Variants in LHPP observed in about 807,000 individuals in gnomAD.
LHPP encodes the protein phospholysine phosphohistidine inorganic pyrophosphate phosphatase.
Under a neutral mutation model 30.3 loss-of-function variants are expected in LHPP, and 24 were observed. The observed-to-expected ratio is 0.79, with a 90% CI of 0.57 to 1.11. LHPP has a LOEUF of 1.11. LHPP is among the 50% of genes most tolerant of loss of function. The pLI, the probability that LHPP is intolerant of heterozygous loss-of-function variation, is 0.00. For missense variants in LHPP, 356 were observed against 367.2 expected, an observed-to-expected ratio of 0.97 and a Z score of 0.25; for synonymous variants, 150 against 157.1, an observed-to-expected ratio of 0.95 and a Z score of 0.34.
At chr10:124,529,179 C>A (rs183698048) in intron 6 of LHPP, among the ~76,000 whole-genome samples, 176 of 151,750 alleles carry the variant, frequency 1.2e-3, no homozygotes, top group Non-Finnish European at 2.1e-3. Flanking sequence ...CTACAGGCAC[C>A]CACCACTACC....
intron 6 of LHPP, among the ~76,000 whole-genome samples, chr10:124,531,109 C>T (rs1481937103): frequency 6.6e-6 from 1 of 152,188 alleles, no homozygotes; most frequent in African/African-American, 2.4e-5. Flanking sequence ...CTTCACCTGT[C>T]CCACCACCTC....
intron 6 of LHPP, among the ~76,000 whole-genome samples, chr10:124,610,519 T>A (rs1589719715): frequency 3.7e-4 from 5 of 13,410 alleles, no homozygotes; most frequent in East Asian, 4.5e-3. Context: ...CGGGTGAGGG[T>A]GCGGGTGAGG....
At chr10:124,529,803 A>ACACACACG (rs1954841492) in intron 6 of LHPP, among the ~76,000 whole-genome samples, 2 of 135,156 alleles carry the variant, frequency 1.5e-5, no homozygotes, top group East Asian at 2.4e-4. Context: ...ACATACACAC[A>ACACACACG]CACACACACG....
At chr10:124,556,191 G>C (rs1289775483) in intron 6 of LHPP, among the ~76,000 whole-genome samples, 4 of 152,206 alleles carry the variant, frequency 2.6e-5, no homozygotes, top group Admixed American at 6.5e-5. Context: ...ATCCAGAGGT[G>C]ACGGTGACCT....
At chr10:124,463,283 C>T (rs552464858) in intron 1 of LHPP, among the ~76,000 whole-genome samples, 1 of 151,898 alleles carries the variant, frequency 6.6e-6, no homozygotes, top group South Asian at 2.1e-4. Context: ...TTGTGGCTCT[C>T]ATTATAATTC....
chr10:124,468,273 G>T (rs1239746805), intron 1 of LHPP, among the ~76,000 whole-genome samples: 1 of 152,138 alleles, frequency 6.6e-6, no homozygotes, highest in East Asian at 1.9e-4. Context: ...ATTTGCTTTG[G>T]CTCCTGCAGA....
intron 6 of LHPP, among the ~76,000 whole-genome samples, chr10:124,526,722 CCCCACCCA>C (rs997136111): frequency 6.6e-6 from 1 of 152,158 alleles, no homozygotes; most frequent in African/African-American, 2.4e-5. Flanking sequence ...GGTCATTAGA[CCCCACCCA>C]CCCACCTGAG....
rs555066062 is a variant in LHPP at position 124,542,223 on chromosome 10, C to T, written c.716+24952C>T. Among the ~76,000 whole-genome samples, 431 of 152,308 alleles carry T rather than the reference C, an allele frequency of 2.8e-3. 1 individual carries two copies. The highest frequency in any genetic ancestry group is 0.01 in the African/African-American group (419 of 41,580). On this transcript the variant is annotated intron_variant, in intron 6 of 6. Transcript: ENST00000368842. Reference sequence around the variant, plus strand: ...ATGCCTTCAGTGGCTCTGGTGGGCACGGGGCTTGCACAGATCGGACTGTGA... The same window carrying T: ...ATGCCTTCAGTGGCTCTGGTGGGCATGGGGCTTGCACAGATCGGACTGTGA...
chr10:124,592,362 G>A lies in LHPP; in HGVS notation c.717-20902G>A, dbSNP rs750122603. Among the ~76,000 whole-genome samples, 3 of 152,122 alleles carry A rather than the reference G, an allele frequency of 2.0e-5. No homozygotes were observed. The highest frequency in any genetic ancestry group is 3.9e-4 in the East Asian group (2 of 5,190). On this transcript the variant is annotated intron_variant, in intron 6 of 6. Coordinates refer to ENST00000368842, the MANE Select transcript of LHPP (RefSeq NM_022126.4). This position sits in a 1 kb window ranked among gnomAD's most constrained non-coding sequence, Gnocchi z 6.2. ...CCCCGGGCTGGCCCTGTCAGCTCTC[G>A]AACTGCAGCATACCCGAGCTCTTAA...
chr10:124,535,284 C>T (rs983565484), intron 6 of LHPP, among the ~76,000 whole-genome samples: 1 of 152,244 alleles, frequency 6.6e-6, no homozygotes, highest in Admixed American at 6.5e-5. Context: ...TAAGGTCACA[C>T]AGCCTTTGAA....
intron 6 of LHPP, 85 bp from the exon 7 acceptor site, chr10:124,613,179 G>T (rs1236754331): frequency 1.9e-6 from 2 of 1,061,256 alleles, no homozygotes; most frequent in Non-Finnish European, 2.9e-6. Context: ...CTAAGGCCAG[G>T]CCCATGTTAG....
intron 1 of LHPP, among the ~76,000 whole-genome samples, chr10:124,481,347 G>A (rs979270884): frequency 6.6e-6 from 1 of 150,686 alleles, no homozygotes; most frequent in African/African-American, 2.4e-5. Context: ...TCACTGGTGG[G>A]GAATCGTGCC....
intron 5 of LHPP, among the ~76,000 whole-genome samples, chr10:124,513,099 T>C (rs1451422355): frequency 1.3e-5 from 2 of 152,164 alleles, no homozygotes; most frequent in African/African-American, 2.4e-5. Flanking sequence ...TGTTTGTTTG[T>C]TTGTTTTAAG....
intron 6 of LHPP, chr10:124,612,952 T>G: frequency 4.8e-6 from 2 of 420,804 alleles, no homozygotes; most frequent in Non-Finnish European, 4.4e-6. Context: ...CCATCCAAGG[T>G]GAGATGTCTG....
At chr10:124,484,378 A>C (rs748303795) in intron 2 of LHPP, 52 bp downstream of exon 2, 1 of 1,544,492 alleles carries the variant, frequency 6.5e-7, no homozygotes, top group Non-Finnish European at 8.9e-7. Flanking sequence ...CCCCTTTCCC[A>C]GGGTGGGGGC....
chr10:124,482,782 A>C (rs1953181368), intron 1 of LHPP, among the ~76,000 whole-genome samples: 2 of 151,302 alleles, frequency 1.3e-5, no homozygotes, highest in Non-Finnish European at 3.0e-5. Context: ...TGACCTTCCT[A>C]CCCCACCTTG....
intron 5 of LHPP, among the ~76,000 whole-genome samples, chr10:124,511,489 A>G (rs1388243356): frequency 6.6e-6 from 1 of 152,136 alleles, no homozygotes; most frequent in Admixed American, 6.5e-5. Flanking sequence ...TCAGTACCTC[A>G]TGTCTCGCGG....
intron 6 of LHPP, among the ~76,000 whole-genome samples, chr10:124,538,251 C>A (rs1955087910): frequency 6.6e-6 from 1 of 152,198 alleles, no homozygotes; most frequent in Admixed American, 6.5e-5. Context: ...GCTTGCTGAG[C>A]ACCCTCCCCA....
At chr10:124,554,052 C>A (rs1303820797) in intron 6 of LHPP, 2 of 985,360 alleles carry the variant, frequency 2.0e-6, no homozygotes, top group African/African-American at 1.7e-5. Flanking sequence ...AGGCCTCGAG[C>A]CTGTAGTTGC....
Sources: allele counts gnomAD v4.1 joint callset (sites outside exome capture counted in the v4.1 genomes callset), GRCh38; gene constraint gnomAD v4.1.1; non-coding constraint Gnocchi (gnomAD v3.1); transcripts MANE v1.5; gene names NCBI Gene and HGNC (gene_info 2026-07-23, HGNC 2026-07-21).